TWIST2: variants seen among roughly 807,000 people sequenced by gnomAD.
The protein encoded by TWIST2 is twist family bHLH transcription factor 2, also known as twist-related protein 2.
Under a neutral mutation model 11.6 loss-of-function variants are expected in TWIST2, and 1 was observed. That is an observed-to-expected ratio of 0.09 (90% CI 0.03 to 0.41). The LOEUF is 0.41. Among genes scored for constraint, TWIST2 ranks in the 10% least tolerant of loss-of-function variants. The pLI is 0.98. For missense variants in TWIST2, 168 were observed against 226.4 expected, an observed-to-expected ratio of 0.74 and a Z score of 1.66; for synonymous variants, 87 against 96.6, an observed-to-expected ratio of 0.90 and a Z score of 0.58.
intron 1 of TWIST2, among the ~76,000 whole-genome samples, chr2:238,859,091 A>G (rs954317344): frequency 2.6e-5 from 4 of 151,852 alleles, no homozygotes; most frequent in Non-Finnish European, 4.4e-5. Context: ...GGGCGCTTAT[A>G]GTTCCAGCTA....
At chr2:238,909,004 GGT>G (rs1449643551) in intron 1 of TWIST2, among the ~76,000 whole-genome samples, 31 of 106,726 alleles carry the variant, frequency 2.9e-4, no homozygotes, top group African/African-American at 8.5e-4. Context: ...ATGTTTGTGT[GGT>G]GTGTGTGTGT....
chr2:238,870,020 T>C (rs1692617794), intron 1 of TWIST2, among the ~76,000 whole-genome samples: 1 of 149,162 alleles, frequency 6.7e-6, no homozygotes, highest in South Asian at 2.1e-4. Flanking sequence ...GGTGGGAATG[T>C]AAACCAGTGC....
rs1265019514 is a variant in TWIST2, at chr2:238,905,936, TGTGTGTGCGCGC to T, written c.*36-3904_*36-3893del. The stretch of plus-strand genomic sequence containing the variant: ...GTGCGTGCAGGTGTGCGTGTGCGCG[TGTGTGTGCGCGC>T]GCGTGTGTACGTGTGCGTGTGTGTG... On this transcript the variant is annotated intron_variant, in intron 1 of 1. Coordinates refer to ENST00000612363, the MANE Select transcript of TWIST2 (RefSeq NM_001271893.4). 5.3e-5 allele frequency among the ~76,000 whole-genome samples: 6 copies of T among 112,356 alleles called. No homozygotes were observed. The East Asian group carries it at 9.9e-4, about 19-fold the overall frequency. 73.7% of individuals were successfully genotyped at this position (112,356 alleles called of 152,430 possible).
chr2:238,869,552 A>G (rs972719747), intron 1 of TWIST2, among the ~76,000 whole-genome samples: 1 of 152,232 alleles, frequency 6.6e-6, no homozygotes, highest in Non-Finnish European at 1.5e-5. Flanking sequence ...TTAAATAGGC[A>G]TTTCTACAAA....
intron 1 of TWIST2, among the ~76,000 whole-genome samples, chr2:238,891,252 T>C (rs527544823): frequency 1.3e-5 from 2 of 152,244 alleles, no homozygotes; most frequent in Admixed American, 6.5e-5. Flanking sequence ...CTTGACCCTA[T>C]CGGGAGCATT....
In TWIST2 at chr2:238,866,841, G is replaced by C. The variant is rs1421829799; in HGVS notation, c.*35+18108G>C. ...TCGTATATCCCCTAGCGGCCTGGCAGCTGCGACGGTTTGTCTGCCTGTCAC... is the reference window on the plus strand; with the variant it reads ...TCGTATATCCCCTAGCGGCCTGGCACCTGCGACGGTTTGTCTGCCTGTCAC... On this transcript the variant is annotated intron_variant, in intron 1 of 1. Coordinates refer to ENST00000612363, the MANE Select transcript of TWIST2 (RefSeq NM_001271893.4). The surrounding 1 kb of genome is among the most constrained non-coding windows in gnomAD (Gnocchi z 4.9). Among the ~76,000 whole-genome samples the C allele has an allele frequency of 6.6e-6, 1 of 152,126 alleles. No homozygotes were observed. The highest frequency in any genetic ancestry group is 1.5e-5 in the Non-Finnish European group (1 of 68,024).
At chr2:238,879,565 A>G (rs1169899493) in intron 1 of TWIST2, among the ~76,000 whole-genome samples, 2 of 152,002 alleles carry the variant, frequency 1.3e-5, no homozygotes, top group African/African-American at 4.8e-5. Flanking sequence ...CCCACTACCC[A>G]TCCCCTATTC....
intron 1 of TWIST2, among the ~76,000 whole-genome samples, chr2:238,887,883 T>C (rs956504125): frequency 6.6e-6 from 1 of 152,230 alleles, no homozygotes; most frequent in African/African-American, 2.4e-5. Context: ...GGCTTCTTTG[T>C]TGCAGCGTGA....
intron 1 of TWIST2, among the ~76,000 whole-genome samples, chr2:238,862,994 G>A (rs1692460250): frequency 6.6e-6 from 1 of 151,918 alleles, no homozygotes; most frequent in Admixed American, 6.6e-5. Flanking sequence ...AAGAATGAAT[G>A]TCTCTGGACC....
intron 1 of TWIST2, among the ~76,000 whole-genome samples, chr2:238,895,599 C>T (rs961590226): frequency 7.9e-5 from 12 of 152,182 alleles, no homozygotes; most frequent in Non-Finnish European, 1.6e-4. Context: ...GGCCAGCCCT[C>T]GCTGTCTCTG....
intron 1 of TWIST2, among the ~76,000 whole-genome samples, chr2:238,880,223 G>A (rs1453841731): frequency 6.6e-6 from 1 of 151,880 alleles, no homozygotes; most frequent in Non-Finnish European, 1.5e-5. Flanking sequence ...TAGTATTAGT[G>A]TTAGTATTTA....
chr2:238,885,591 G>A (rs944457990), intron 1 of TWIST2, among the ~76,000 whole-genome samples: 1 of 152,130 alleles, frequency 6.6e-6, no homozygotes, highest in Non-Finnish European at 1.5e-5. Flanking sequence ...GATTCCAGGT[G>A]CCATTGAGAG....
chr2:238,865,541 TG>T (rs1056110972), intron 1 of TWIST2, among the ~76,000 whole-genome samples: 3 of 152,202 alleles, frequency 2.0e-5, no homozygotes, highest in Non-Finnish European at 4.4e-5. Context: ...CAGAAGCCTC[TG>T]GGTCCAGAAG....
intron 1 of TWIST2, among the ~76,000 whole-genome samples, chr2:238,907,669 A>G (rs1693375369): frequency 6.6e-6 from 1 of 151,932 alleles, no homozygotes; most frequent in Admixed American, 6.6e-5. Context: ...ATGAAACTGC[A>G]GGAAGTACAC....
intron 1 of TWIST2, among the ~76,000 whole-genome samples, chr2:238,855,829 G>A (rs1031432259): frequency 6.6e-6 from 1 of 152,172 alleles, no homozygotes; most frequent in African/African-American, 2.4e-5. Context: ...AGGGGCTCCC[G>A]AAGCCTCGTG....
intron 1 of TWIST2, among the ~76,000 whole-genome samples, chr2:238,908,635 T>C (rs1219665317): frequency 6.6e-6 from 1 of 152,120 alleles, no homozygotes; most frequent in Non-Finnish European, 1.5e-5. Flanking sequence ...TACCATATGG[T>C]ATGTTGTCTG....
chr2:238,906,992 A>G (rs1693364521), intron 1 of TWIST2, among the ~76,000 whole-genome samples: 1 of 152,142 alleles, frequency 6.6e-6, no homozygotes, highest in Non-Finnish European at 1.5e-5. Context: ...GAGGTGTGGG[A>G]GTGAGCACTT....
chr2:238,860,106 A>G (rs1225671112), intron 1 of TWIST2, among the ~76,000 whole-genome samples: 1 of 152,150 alleles, frequency 6.6e-6, no homozygotes, highest in Non-Finnish European at 1.5e-5. Flanking sequence ...TCCACAGCCC[A>G]GGGCTCGTCT....
intron 1 of TWIST2, among the ~76,000 whole-genome samples, chr2:238,884,414 A>G: frequency 6.6e-6 from 1 of 152,252 alleles, no homozygotes; most frequent in East Asian, 1.9e-4. Context: ...GCTTCATGCC[A>G]TGGGCATGTT....
Sources: allele counts gnomAD v4.1 joint callset (sites outside exome capture counted in the v4.1 genomes callset), GRCh38; gene constraint gnomAD v4.1.1; non-coding constraint Gnocchi (gnomAD v3.1); transcripts MANE v1.5; gene names NCBI Gene and HGNC (gene_info 2026-07-23, HGNC 2026-07-21).